The following GTF2H5 variants were observed in gnomAD, a reference collection of about 807,000 sequenced individuals.
The protein encoded by GTF2H5 is general transcription factor IIH subunit 5, also known as TFB5 ortholog.
A neutral mutation model predicts 7.1 loss-of-function variants in GTF2H5; 5 were observed. The ratio of observed to expected loss-of-function variants is 0.71; its 90% CI spans 0.37 to 1.49. The LOEUF is 1.49. Ranked by LOEUF, GTF2H5 falls within the 40% of genes most tolerant of loss-of-function variation. The pLI, the probability that GTF2H5 is intolerant of heterozygous loss-of-function variation, is 0.03. For synonymous variants in GTF2H5, 30 were observed against 31.7 expected (o/e 0.95, Z 0.18); for missense variants, 80 against 83.0 (o/e 0.96, Z 0.14).
chr6:158,189,003 G>A (rs1055192463), intron 2 of GTF2H5, among the ~76,000 whole-genome samples: 4 of 133,498 alleles, frequency 3.0e-5, no homozygotes, highest in African/African-American at 8.4e-5. Flanking sequence ...ATAGTGAGAT[G>A]GCAGCAGCAG....
intron 2 of GTF2H5, among the ~76,000 whole-genome samples, chr6:158,184,360 G>A (rs994398920): frequency 6.6e-6 from 1 of 152,146 alleles, no homozygotes; most frequent in Admixed American, 6.5e-5. Context: ...ACATATTTTG[G>A]TTGGCAGAGC....
chr6:158,191,058 T>C (rs1317884986), intron 2 of GTF2H5: 15 of 386,260 alleles, frequency 3.9e-5, no homozygotes, highest in Non-Finnish European at 6.6e-5. Flanking sequence ...AGCCAAGCAC[T>C]GTCCTTGACA....
At chr6:158,188,711 A>G (rs1679789768) in intron 2 of GTF2H5, among the ~76,000 whole-genome samples, 1 of 152,134 alleles carries the variant, frequency 6.6e-6, no homozygotes, top group Non-Finnish European at 1.5e-5. Context: ...TATCTGCTTA[A>G]ATCAGTGACC....
At chr6:158,170,385 A>G in intron 1 of GTF2H5, 85 bp from the exon 2 acceptor site, 1 of 752,718 alleles carries the variant, frequency 1.3e-6, no homozygotes, top group East Asian at 2.6e-5. Context: ...ACATTTAATT[A>G]TTTTGCCTCG....
chr6:158,186,721 A>T (rs1776928408), intron 2 of GTF2H5, among the ~76,000 whole-genome samples: 1 of 152,212 alleles, frequency 6.6e-6, no homozygotes. Context: ...CAATCAATAC[A>T]TGTAAGATGT....
chr6:158,169,535 T>A lies in GTF2H5; in HGVS notation c.-34-935T>A, dbSNP rs185486354. ...TATATTATATATAATATACAGTATA[T>A]TATATATAATATACTGTATATTATA... On this transcript the variant is annotated intron_variant, in intron 1 of 2. Coordinates refer to ENST00000607778, the MANE Select transcript of GTF2H5 (RefSeq NM_207118.3). Among the ~76,000 whole-genome samples the A allele has an allele frequency of 1.3e-3, 112 of 83,690 alleles. 3 individuals carry two copies. The highest frequency in any genetic ancestry group is 1.9e-3 in the Non-Finnish European group (93 of 48,140). 54.9% of individuals were successfully genotyped at this position (83,690 alleles called of 152,430 possible). A position where few individuals can be genotyped will look rare whatever the true frequency, so the allele number is the denominator to read the frequency against.
intron 2 of GTF2H5, among the ~76,000 whole-genome samples, chr6:158,182,624 T>C (rs1786026107): frequency 6.6e-6 from 1 of 151,976 alleles, no homozygotes; most frequent in African/African-American, 2.4e-5. Context: ...TTTCATGAAT[T>C]TGATCTTCAA....
At chr6:158,169,495 T>TCA (rs1554266983) in intron 1 of GTF2H5, among the ~76,000 whole-genome samples, 4 of 54,412 alleles carry the variant, frequency 7.4e-5, no homozygotes, top group African/African-American at 3.6e-4. Context: ...ATATTGTATA[T>TCA]TATATAATAT....
rs1429623139 is a variant in GTF2H5 at position 158,192,683 on chromosome 6, G to T, written c.*526G>T. The stretch of plus-strand genomic sequence containing the variant: ...TGCATTTCCCTGAAAACAGAATATT[G>T]TTTTTAAGAGGGTTAGAAACAACCA... On this transcript the variant is annotated 3_prime_UTR_variant, in exon 3 of 3. Transcript: ENST00000607778. 1 of 159,248 alleles carries T rather than the reference G, an allele frequency of 6.3e-6. No homozygotes were observed. Among genetic ancestry groups the T allele is most frequent in the Admixed American group, 6.0e-5 (1 of 16,662 alleles). 9.9% of individuals were successfully genotyped at this position (159,248 alleles called of 1,614,324 possible).
At chr6:158,186,580 A>G (rs1376280639) in intron 2 of GTF2H5, among the ~76,000 whole-genome samples, 1 of 152,264 alleles carries the variant, frequency 6.6e-6, no homozygotes, top group African/African-American at 2.4e-5. Context: ...GACAAGTCTC[A>G]ATCAATTTTG....
intron 1 of GTF2H5, 51 bp downstream of exon 1, chr6:158,168,446 G>C (rs1472544710): frequency 6.6e-6 from 1 of 152,488 alleles, no homozygotes; most frequent in East Asian, 1.9e-4. Flanking sequence ...TGGGAACACT[G>C]AGGGGTCCCA....
intron 2 of GTF2H5, among the ~76,000 whole-genome samples, chr6:158,186,448 A>T (rs565668519): frequency 6.6e-6 from 1 of 152,390 alleles, no homozygotes; most frequent in Admixed American, 6.5e-5. Context: ...AATCTATCAC[A>T]TGCAGACAGC....
chr6:158,186,258 T>C (rs560814768), intron 2 of GTF2H5, among the ~76,000 whole-genome samples: 15 of 152,350 alleles, frequency 9.8e-5, no homozygotes, highest in Admixed American at 9.8e-4. Context: ...GAGGCGCTTC[T>C]TGGTTTTAGT....
chr6:158,170,411 C>A lies in GTF2H5; in HGVS notation c.-34-59C>A, dbSNP rs1050029379. ...TTTTGCCTCGTTTCAGAGGCAGATCCCCAAAGTATATGAAAGTTAATGATT... is the reference window on the plus strand; with the variant it reads ...TTTTGCCTCGTTTCAGAGGCAGATCACCAAAGTATATGAAAGTTAATGATT... On this transcript the variant is annotated intron_variant, in intron 1 of 2. Coordinates refer to ENST00000607778, the MANE Select transcript of GTF2H5 (RefSeq NM_207118.3). 4 of 1,018,486 alleles carry A rather than the reference C, an allele frequency of 3.9e-6. No individual in the cohort carries two copies. The East Asian group carries it at 7.3e-5, about 18-fold the overall frequency. The allele number at this position is 1,018,486 out of a possible 1,614,324, so 63.1% of individuals were successfully genotyped here. A position where few individuals can be genotyped will look rare whatever the true frequency, so the allele number is the denominator to read the frequency against.
intron 1 of GTF2H5, 110 bp from the exon 2 acceptor site, chr6:158,170,360 A>C: frequency 2.9e-6 from 2 of 683,068 alleles, no homozygotes; most frequent in Non-Finnish European, 5.2e-6. Flanking sequence ...TCATAGACTT[A>C]ACTGTTAAAT....
chr6:158,177,835 C>G (rs1305268818), intron 2 of GTF2H5, among the ~76,000 whole-genome samples: 1 of 152,138 alleles, frequency 6.6e-6, no homozygotes, highest in Non-Finnish European at 1.5e-5. Context: ...GTTTTCTGAT[C>G]TTGTGATAGT....
chr6:158,185,791 TG>T (rs745726917), intron 2 of GTF2H5, among the ~76,000 whole-genome samples: 3 of 151,924 alleles, frequency 2.0e-5, no homozygotes, highest in Admixed American at 6.6e-5. Flanking sequence ...GTGGGTTGCT[TG>T]AGTCCAGGAG....
Position 158,169,426 on chromosome 6 carries a change from T to A in GTF2H5, c.-35+1031T>A, listed in dbSNP as rs1296469027. The stretch of plus-strand genomic sequence containing the variant: ...ATTGTATATTATATATTATATATAA[T>A]ATATTGTATATTATATATATTATAT... On this transcript the variant is annotated intron_variant, in intron 1 of 2. Transcript: ENST00000607778. 1.1e-4 allele frequency among the ~76,000 whole-genome samples: 8 copies of A among 72,502 alleles called. No individual in the cohort carries two copies. In the South Asian group the frequency reaches 2.6e-3, roughly 23 times the overall value. The allele number at this position is 72,502 out of a possible 152,430, so 47.6% of individuals were successfully genotyped here. A position where few individuals can be genotyped will look rare whatever the true frequency, so the allele number is the denominator to read the frequency against.
In GTF2H5 at chr6:158,169,499, A is replaced by ATGTAATATACTGTATATTATATG. The variant is rs1176114535; in HGVS notation, c.-34-970_-34-969insGTAATATACTGTATATTATATGT. The stretch of plus-strand genomic sequence containing the variant: ...TTATATATAATATATTGTATATTAT[A>ATGTAATATACTGTATATTATATG]TAATATATTGTATATTATATATAAT... On this transcript the variant is annotated intron_variant, in intron 1 of 2. Transcript: ENST00000607778. 1.9e-4 allele frequency among the ~76,000 whole-genome samples: 14 copies of ATGTAATATACTGTATATTATATG among 74,622 alleles called. 1 individual carries two copies. Among genetic ancestry groups the ATGTAATATACTGTATATTATATG allele is most frequent in the African/African-American group, 9.6e-4 (13 of 13,504 alleles). The allele number at this position is 74,622 out of a possible 152,430, so 49.0% of individuals were successfully genotyped here.
Sources: gnomAD v4.1 joint callset for allele counts (sites outside exome capture counted in the v4.1 genomes callset) on GRCh38, gnomAD v4.1.1 for gene constraint, MANE v1.5 for transcripts, NCBI Gene and HGNC (gene_info 2026-07-23, HGNC 2026-07-21) for gene names.